Variants in PCDH15 observed in about 807,000 individuals in gnomAD.
PCDH15 encodes protocadherin-15.
In PCDH15, 129 loss-of-function variants were observed where a neutral mutation model predicts 178.5. That is an observed-to-expected ratio of 0.72 (90% CI 0.63 to 0.84). The LOEUF (loss-of-function observed/expected upper bound fraction) is 0.84, where lower values mean the gene tolerates loss of function less well. Ranked by LOEUF, PCDH15 falls within the 40% of genes least tolerant of loss-of-function variation. The pLI is 0.00. For missense variants in PCDH15, 2,230 were observed against 2,099.9 expected (o/e 1.06, Z -1.21); for synonymous variants, 800 against 732.0 (o/e 1.09, Z -1.50).
At position 54,473,269 on chromosome 10, in the gene PCDH15, C is replaced by CT. The variant is rs569370128; in HGVS notation, c.157+54542dup. ...GAAAGTAAAACATAAGCAAGAATAT[C>CT]TTTTTTAAGGGGATATTTGGAAGCA... On this transcript the variant is annotated intron_variant, in intron 3 of 37. Coordinates refer to ENST00000644397, the MANE Select transcript of PCDH15 (RefSeq NM_001384140.1). 2.7e-3 allele frequency among the ~76,000 whole-genome samples: 408 copies of CT among 152,086 alleles called. 3 individuals are homozygous for CT. The highest frequency in any genetic ancestry group is 4.5e-3 in the Non-Finnish European group (309 of 67,934).
intron 6 of PCDH15, among the ~76,000 whole-genome samples, chr10:54,345,829 A>AAC (rs1565031222): frequency 7.3e-6 from 1 of 137,120 alleles, no homozygotes; most frequent in Admixed American, 7.9e-5. Flanking sequence ...AAAAAAAAAA[A>AAC]AAAAAGAAAT....
At chr10:54,196,903 G>A (rs902604826) in intron 10 of PCDH15, among the ~76,000 whole-genome samples, 2 of 152,134 alleles carry the variant, frequency 1.3e-5, no homozygotes, top group East Asian at 3.9e-4. Flanking sequence ...TACAAGAGTC[G>A]AATGTCCAGC....
intron 3 of PCDH15, among the ~76,000 whole-genome samples, chr10:54,508,278 A>G (rs35004768): frequency 2.0e-5 from 3 of 152,178 alleles, no homozygotes; most frequent in South Asian, 2.1e-4. Context: ...AGATATCCTT[A>G]TCTTTCACTT....
At chr10:55,310,098 T>G (rs544363107) in intron 1 of PCDH15, among the ~76,000 whole-genome samples, 3 of 152,304 alleles carry the variant, frequency 2.0e-5, no homozygotes, top group South Asian at 4.1e-4. Context: ...CTAGGAGAAC[T>G]TAAACCCATA....
In PCDH15 at chr10:55,008,905, A is replaced by T. The variant is rs1483403195; in HGVS notation, c.-79-111405T>A. Among the ~76,000 whole-genome samples the T allele has an allele frequency of 2.6e-5, 4 of 152,070 alleles. No individual in the cohort carries two copies. The East Asian group carries it at 5.8e-4, about 22-fold the overall frequency. On this transcript the variant is annotated intron_variant, in intron 2 of 5. Transcript: ENST00000458638. ...TGTTTAAAAAACAAAAACAAAAACA[A>T]AAACAAAAAAAACCTCTCATGATTC...
At chr10:54,217,259 A>T (rs1177546665) in intron 9 of PCDH15, among the ~76,000 whole-genome samples, 2 of 152,116 alleles carry the variant, frequency 1.3e-5, no homozygotes, top group Non-Finnish European at 2.9e-5. Flanking sequence ...TTCAATCTAA[A>T]TGTATATTTA....
rs1044477343 is a variant in PCDH15, at chr10:55,340,329, T to C, written c.-155-173678A>G. Among the ~76,000 whole-genome samples the C allele has an allele frequency of 6.6e-5, 10 of 151,996 alleles. No individual in the cohort carries two copies. The South Asian group carries it at 1.2e-3, about 19-fold the overall frequency. ...ATAAGAGCACATAACCTGGTTTACA[T>C]GGAACAATGTTGGTTTATACCTGTA... On this transcript the variant is annotated intron_variant, in intron 2 of 5. Coordinates refer to the PCDH15 transcript ENST00000613346.
intron 3 of PCDH15, among the ~76,000 whole-genome samples, chr10:54,480,221 T>C (rs930157453): frequency 6.6e-6 from 1 of 152,108 alleles, no homozygotes; most frequent in South Asian, 2.1e-4. Flanking sequence ...CATAATTAAA[T>C]ACTTATTTGT....
chr10:55,458,517 T>C (rs1419108780), intron 2 of PCDH15, among the ~76,000 whole-genome samples: 1 of 152,058 alleles, frequency 6.6e-6, no homozygotes, highest in African/African-American at 2.4e-5. Context: ...GGGCATGACA[T>C]TGCAAACAGC....
chr10:55,521,424 G>T (rs1841173075), intron 2 of PCDH15, among the ~76,000 whole-genome samples: 2 of 151,828 alleles, frequency 1.3e-5, no homozygotes, highest in South Asian at 4.2e-4. Flanking sequence ...TTCACATTAC[G>T]ATTTTTTTTT....
intron 1 of PCDH15, among the ~76,000 whole-genome samples, chr10:55,287,695 T>C (rs918439421): frequency 3.9e-5 from 6 of 151,930 alleles, no homozygotes; most frequent in African/African-American, 1.4e-4. Context: ...ATGTGTGTGT[T>C]TTAATTTTCT....
rs568960359 is a variant in PCDH15, at chr10:53,817,396, AT to A, written c.4452+598del. On this transcript the variant is annotated intron_variant, in intron 34 of 37. Coordinates refer to ENST00000644397, the MANE Select transcript of PCDH15 (RefSeq NM_001384140.1). ...CCCAGAGCTTTCTAACATTCTGATT[AT>A]TTTTAAAATCTTTAGGATCTCAAGC... Among the ~76,000 whole-genome samples the A allele has an allele frequency of 2.4e-3, 366 of 152,230 alleles. 2 individuals are homozygous for A. In the Middle Eastern group the frequency reaches 0.034, roughly 14 times the overall value.
intron 1 of PCDH15, among the ~76,000 whole-genome samples, chr10:55,190,829 T>G (rs995190551): frequency 6.6e-6 from 1 of 151,692 alleles, no homozygotes; most frequent in Non-Finnish European, 1.5e-5. Context: ...ACATAAGATT[T>G]GACATGGTAG....
At chr10:54,966,358 G>C (rs1838788567) in intron 2 of PCDH15, among the ~76,000 whole-genome samples, 1 of 151,812 alleles carries the variant, frequency 6.6e-6, no homozygotes, top group African/African-American at 2.4e-5. Flanking sequence ...TTAAACATGG[G>C]GATATATTCT....
chr10:54,454,672 A>G (rs560112706), intron 3 of PCDH15, among the ~76,000 whole-genome samples: 1 of 152,240 alleles, frequency 6.6e-6, no homozygotes, highest in South Asian at 2.1e-4. Context: ...TTATGCTGAA[A>G]TGAAACCATT....
chr10:54,871,354 T>G (rs2131795122), intron 3 of PCDH15, among the ~76,000 whole-genome samples: 1 of 151,894 alleles, frequency 6.6e-6, no homozygotes, highest in South Asian at 2.1e-4. Context: ...GGTTCTCATA[T>G]ATTATGTATT....
intron 1 of PCDH15, among the ~76,000 whole-genome samples, chr10:54,765,877 A>T (rs901601681): frequency 4.6e-5 from 7 of 152,156 alleles, no homozygotes; most frequent in African/African-American, 1.7e-4. Context: ...TTCATAGACA[A>T]GAAGAGAAGG....
At chr10:55,158,841 T>C (rs1169297904) in intron 2 of PCDH15, among the ~76,000 whole-genome samples, 1 of 150,664 alleles carries the variant, frequency 6.6e-6, no homozygotes, top group African/African-American at 2.4e-5. Flanking sequence ...TGGAAATGTG[T>C]GTGGGGTGTG....
Position 54,982,088 on chromosome 10 carries a change from T to A in PCDH15, c.-79-84588A>T, listed in dbSNP as rs550620827. Among the ~76,000 whole-genome samples, 5 of 152,242 alleles carry A rather than the reference T, an allele frequency of 3.3e-5. No homozygotes were observed. In the South Asian group the frequency reaches 1.0e-3, roughly 32 times the overall value. Reference sequence around the variant, plus strand: ...CCTGGCCTGCCTAGAACGTTGGATTTACAGATGATCTTATCCTTACTTCAG... The same window carrying A: ...CCTGGCCTGCCTAGAACGTTGGATTAACAGATGATCTTATCCTTACTTCAG... On this transcript the variant is annotated intron_variant, in intron 2 of 5. Coordinates refer to the PCDH15 transcript ENST00000458638.
Sources: allele counts gnomAD v4.1 joint callset (sites outside exome capture counted in the v4.1 genomes callset), GRCh38; gene constraint gnomAD v4.1.1; transcripts MANE v1.5; gene names NCBI Gene and HGNC (gene_info 2026-07-23, HGNC 2026-07-21).